The following SH3D19 variants were observed in gnomAD, a reference collection of about 807,000 sequenced individuals.
SH3D19 encodes the protein SH3 domain-containing protein 19.
A neutral mutation model predicts 112.1 loss-of-function variants in SH3D19; 58 were observed. The observed-to-expected ratio is 0.52, with a 90% CI of 0.42 to 0.64. The LOEUF is 0.64. Ranked by LOEUF, SH3D19 falls within the 30% of genes least tolerant of loss-of-function variation. The pLI, the probability that SH3D19 is intolerant of heterozygous loss-of-function variation, is 0.00. For missense variants in SH3D19, 1,090 were observed against 1,263.4 expected, an observed-to-expected ratio of 0.86 and a Z score of 2.08; for synonymous variants, 391 against 448.5, an observed-to-expected ratio of 0.87 and a Z score of 1.62.
At chr4:151,131,476 ATTCTTTTTTTCTTTTT>A (rs952756892) in intron 17 of SH3D19, among the ~76,000 whole-genome samples, 2 of 147,388 alleles carry the variant, frequency 1.4e-5, no homozygotes, top group African/African-American at 5.0e-5. Flanking sequence ...TCTTTTATGA[ATTCTTTTTTTCTTTTT>A]TTCTTTTTTT....
Position 151,163,580 on chromosome 4 carries a change from TTC to T in SH3D19, c.1642+2007_1642+2008del, listed in dbSNP as rs1757504614. Reference sequence around the variant, plus strand: ...AATATACTGCCAGTTTTTTCTTTCTTTCTTTCTTTTTTTTTTTTGAGATGGAG... The same window carrying T: ...AATATACTGCCAGTTTTTTCTTTCTTTTTCTTTTTTTTTTTTGAGATGGAG... On this transcript the variant is annotated intron_variant, in intron 8 of 19. Transcript: ENST00000604030. Among the ~76,000 whole-genome samples, 3 of 130,682 alleles carry T rather than the reference TTC, an allele frequency of 2.3e-5. No homozygotes were observed. The Admixed American group carries it at 2.3e-4, about 10-fold the overall frequency. 85.7% of individuals were successfully genotyped at this position (130,682 alleles called of 152,430 possible).
rs1249497973 is a variant in SH3D19, at chr4:151,291,062, ACT to A, written c.112+34177_112+34178del. ...AAAGAATTCTCCACCCCTTATTACT[ACT>A]CTCTTCTTTATGCCTCTTTTCACTA... is the stretch of plus-strand genomic sequence containing the variant. On this transcript the variant is annotated intron_variant, in intron 1 of 19. Transcript: ENST00000604030. 7 of 1,347,764 alleles carry A rather than the reference ACT, an allele frequency of 5.2e-6. No homozygotes were observed. The African/African-American group carries it at 1.0e-4, about 20-fold the overall frequency. 83.5% of individuals were successfully genotyped at this position (1,347,764 alleles called of 1,614,324 possible).
chr4:151,187,978 GTC>G (rs1156398381), intron 2 of SH3D19, among the ~76,000 whole-genome samples: 1 of 151,926 alleles, frequency 6.6e-6, no homozygotes, highest in Non-Finnish European at 1.5e-5. Flanking sequence ...CAGACTCCCT[GTC>G]TCTCTCTCCC....
intron 1 of SH3D19, among the ~76,000 whole-genome samples, chr4:151,230,137 T>G (rs1274183423): frequency 6.6e-6 from 1 of 152,210 alleles, no homozygotes; most frequent in African/African-American, 2.4e-5. Context: ...GTCAACTTGG[T>G]TCTATGTAAT....
intron 1 of SH3D19, among the ~76,000 whole-genome samples, chr4:151,246,377 T>C (rs1770946784): frequency 6.6e-6 from 1 of 152,190 alleles, no homozygotes; most frequent in Non-Finnish European, 1.5e-5. Flanking sequence ...TACCTAGCAT[T>C]TTCCTTGCAA....
In SH3D19 at chr4:151,206,313, T is replaced by G. The variant is rs572739672; in HGVS notation, c.153-18850A>C. Among the ~76,000 whole-genome samples, 469 of 152,242 alleles carry G rather than the reference T, an allele frequency of 3.1e-3. 3 individuals are homozygous for G. Among genetic ancestry groups the G allele is most frequent in the Non-Finnish European group, 4.5e-3 (308 of 68,012 alleles). ...AATCCTACATTAAAGAAGGTTTTTT[T>G]TGTGTGTGTGTGTCTGTGTGTGTTT... On this transcript the variant is annotated intron_variant, in intron 2 of 19. Coordinates refer to ENST00000604030, the MANE Select transcript of SH3D19 (RefSeq NM_001378122.1).
intron 1 of SH3D19, among the ~76,000 whole-genome samples, chr4:151,245,169 T>TAA (rs1271100265): frequency 8.8e-5 from 11 of 124,358 alleles, no homozygotes; most frequent in Non-Finnish European, 7.8e-5. Context: ...AATAAAATAA[T>TAA]AATAATAATA....
intron 2 of SH3D19, among the ~76,000 whole-genome samples, chr4:151,222,404 A>T (rs1401454241): frequency 6.6e-6 from 1 of 152,124 alleles, no homozygotes; most frequent in Non-Finnish European, 1.5e-5. Context: ...CTGAATTGAG[A>T]TTTATTTGCA....
At chr4:151,301,551 T>C (rs1728429860) in intron 1 of SH3D19, among the ~76,000 whole-genome samples, 1 of 152,034 alleles carries the variant, frequency 6.6e-6, no homozygotes, top group African/African-American at 2.4e-5. Flanking sequence ...TTTAAAGGTG[T>C]GTGGCACTCC....
chr4:151,145,551 C>G (rs1406771204), intron 11 of SH3D19, among the ~76,000 whole-genome samples: 1 of 152,206 alleles, frequency 6.6e-6, no homozygotes, highest in African/African-American at 2.4e-5. Flanking sequence ...CTGCCCCACT[C>G]CTGTCTCCCT....
intron 2 of SH3D19, among the ~76,000 whole-genome samples, chr4:151,190,091 C>A (rs1452695977): frequency 6.6e-6 from 1 of 152,168 alleles, no homozygotes; most frequent in African/African-American, 2.4e-5. Context: ...AGCAAAGAGA[C>A]TGGTGGCATT....
chr4:151,302,099 C>T (rs569736409), intron 1 of SH3D19, among the ~76,000 whole-genome samples: 1 of 152,114 alleles, frequency 6.6e-6, no homozygotes, highest in Non-Finnish European at 1.5e-5. Flanking sequence ...ACTTGCAGGA[C>T]CCCCACACCA....
At chr4:151,227,282 G>A (rs1007540675) in intron 1 of SH3D19, among the ~76,000 whole-genome samples, 2 of 152,144 alleles carry the variant, frequency 1.3e-5, no homozygotes, top group Non-Finnish European at 2.9e-5. Context: ...GATTTACACA[G>A]TTAAACGTAT....
At chr4:151,256,694 GT>G (rs70941490) in intron 1 of SH3D19, among the ~76,000 whole-genome samples, 25,636 of 134,148 alleles carry the variant, frequency 0.19, 2,216 homozygotes, top group Middle Eastern at 0.26. Flanking sequence ...TTGTTTTGTT[GT>G]TTTTTTTTTT....
intron 1 of SH3D19, among the ~76,000 whole-genome samples, chr4:151,310,796 T>A (rs1421584315): frequency 1.3e-5 from 2 of 151,484 alleles, no homozygotes; most frequent in African/African-American, 4.8e-5. Flanking sequence ...GGTCTCGAAC[T>A]CCTGACCTTA....
At chr4:151,197,386 A>G (rs973766570) in intron 2 of SH3D19, among the ~76,000 whole-genome samples, 1 of 152,258 alleles carries the variant, frequency 6.6e-6, no homozygotes, top group African/African-American at 2.4e-5. Flanking sequence ...ATTCGTCAGA[A>G]GGGATAGTTG....
Position 151,133,811 on chromosome 4 carries a change from A to G in SH3D19, c.2487-575T>C, listed in dbSNP as rs550225890. ...ACTAACCCTGTTGCCTTTAAAAATG[A>G]TTTTTTTAATCTCCTTTAAAAGGGC... On this transcript the variant is annotated intron_variant, in intron 15 of 19. Coordinates refer to ENST00000604030, the MANE Select transcript of SH3D19 (RefSeq NM_001378122.1). 2.6e-4 allele frequency among the ~76,000 whole-genome samples: 40 copies of G among 152,290 alleles called. 1 individual carries two copies. In the South Asian group the frequency reaches 7.1e-3, roughly 27 times the overall value.
chr4:151,250,789 T>G (rs1290554137), intron 1 of SH3D19, among the ~76,000 whole-genome samples: 1 of 152,214 alleles, frequency 6.6e-6, no homozygotes, highest in Non-Finnish European at 1.5e-5. Flanking sequence ...GCTTTGGTTG[T>G]CAGTACACAA....
intron 8 of SH3D19, among the ~76,000 whole-genome samples, chr4:151,160,743 A>T (rs1265698777): frequency 6.6e-6 from 1 of 151,770 alleles, no homozygotes; most frequent in South Asian, 2.1e-4. Context: ...AACCTATAAC[A>T]AGAAGATGAT....
Sources: gnomAD v4.1 joint callset for allele counts (sites outside exome capture counted in the v4.1 genomes callset) on GRCh38, gnomAD v4.1.1 for gene constraint, MANE v1.5 for transcripts, NCBI Gene and HGNC (gene_info 2026-07-23, HGNC 2026-07-21) for gene names.